Variants in INPP5F observed in about 807,000 individuals in gnomAD.
INPP5F encodes the protein inositol polyphosphate-5-phosphatase F, also known as phosphatidylinositide 4-phosphatase SAC2.
Under a neutral mutation model 137.2 loss-of-function variants are expected in INPP5F, and 97 were observed. The ratio of observed to expected loss-of-function variants is 0.71; its 90% CI spans 0.60 to 0.84. The LOEUF (loss-of-function observed/expected upper bound fraction) is 0.84, where lower values mean the gene tolerates loss of function less well. INPP5F is among the 40% of genes least tolerant of loss of function. The probability of loss-of-function intolerance (pLI) is 0.00; values close to 1 mark genes in which losing one functional copy is unlikely to be tolerated. For missense variants in INPP5F, 1,271 were observed against 1,371.9 expected (o/e 0.93, Z 1.16); for synonymous variants, 504 against 476.9 (o/e 1.06, Z -0.74).
chr10:119,765,865 C>CTATATATATATATA (rs551639582), intron 2 of INPP5F, among the ~76,000 whole-genome samples: 6 of 29,862 alleles, frequency 2.0e-4, no homozygotes, highest in African/African-American at 4.1e-4. Flanking sequence ...ACACTATATA[C>CTATATATATATATA]TATATATATA....
intron 3 of INPP5F, among the ~76,000 whole-genome samples, chr10:119,784,612 A>G (rs140457578): frequency 6.6e-6 from 1 of 152,346 alleles, no homozygotes; most frequent in East Asian, 1.9e-4. Context: ...AGAGACGGGT[A>G]TTAATAGAAT....
intron 1 of INPP5F, among the ~76,000 whole-genome samples, chr10:119,738,453 C>T (rs1026396244): frequency 6.6e-6 from 1 of 152,088 alleles, no homozygotes; most frequent in Non-Finnish European, 1.5e-5. Context: ...AGTATGAGCC[C>T]GCTGGCCATT....
intron 16 of INPP5F, among the ~76,000 whole-genome samples, chr10:119,821,728 C>T (rs1285500259): frequency 8.3e-6 from 1 of 120,456 alleles, no homozygotes; most frequent in Non-Finnish European, 1.9e-5. Flanking sequence ...CCCTTCATCT[C>T]TGCCTCCCTC....
intron 9 of INPP5F, among the ~76,000 whole-genome samples, chr10:119,799,108 C>T (rs1347583993): frequency 6.6e-6 from 1 of 152,106 alleles, no homozygotes; most frequent in Admixed American, 6.6e-5. Context: ...TTTTTCTCTG[C>T]TCACCTTCAT....
intron 1 of INPP5F, among the ~76,000 whole-genome samples, chr10:119,740,706 C>T (rs916139931): frequency 6.6e-6 from 1 of 152,094 alleles, no homozygotes; most frequent in Admixed American, 6.5e-5. Flanking sequence ...CCACACCCAG[C>T]TAATTTTTGT....
intron 1 of INPP5F, among the ~76,000 whole-genome samples, chr10:119,731,908 G>A (rs1848080073): frequency 6.6e-6 from 1 of 151,696 alleles, no homozygotes; most frequent in African/African-American, 2.4e-5. Context: ...GAATAGATCT[G>A]TATGTTTATT....
rs188631846 is a variant in INPP5F, at chr10:119,808,479, C to T, written c.1569+419C>T. 9.7e-4 allele frequency among the ~76,000 whole-genome samples: 148 copies of T among 152,324 alleles called. 1 individual carries two copies. Among genetic ancestry groups the T allele is most frequent in the African/African-American group, 3.4e-3 (140 of 41,580 alleles). On this transcript the variant is annotated intron_variant, in intron 13 of 19. Coordinates refer to ENST00000650623, the MANE Select transcript of INPP5F (RefSeq NM_014937.4). ...CTTCTTAACTAGCTGTGACCTTGGGCAAGTCACTTAACCACTCTCATTTGT... is the reference window on the plus strand; with the variant it reads ...CTTCTTAACTAGCTGTGACCTTGGGTAAGTCACTTAACCACTCTCATTTGT...
chr10:119,743,064 T>G (rs1007908526), intron 1 of INPP5F, among the ~76,000 whole-genome samples: 1 of 152,262 alleles, frequency 6.6e-6, no homozygotes, highest in Non-Finnish European at 1.5e-5. Flanking sequence ...TAACAAGCTG[T>G]GCAGTGTTGG....
chr10:119,784,251 C>T (rs1174342981), intron 3 of INPP5F, among the ~76,000 whole-genome samples: 1 of 152,132 alleles, frequency 6.6e-6, no homozygotes, highest in African/African-American at 2.4e-5. Flanking sequence ...AAAAATTCCT[C>T]CACTTGGAAA....
At chr10:119,741,297 T>A (rs1672426784) in intron 1 of INPP5F, among the ~76,000 whole-genome samples, 1 of 152,128 alleles carries the variant, frequency 6.6e-6, no homozygotes. Flanking sequence ...CTATCTCAAA[T>A]CCAAATCTGC....
intron 1 of INPP5F, among the ~76,000 whole-genome samples, chr10:119,749,913 G>T (rs1428977459): frequency 6.6e-6 from 1 of 152,088 alleles, no homozygotes; most frequent in Non-Finnish European, 1.5e-5. Flanking sequence ...TGAGTAGCTG[G>T]GACTACAGGC....
At chr10:119,781,567 C>T in intron 2 of INPP5F, 68 bp from the exon 3 acceptor site, 6 of 1,340,952 alleles carry the variant, frequency 4.5e-6, no homozygotes, top group East Asian at 2.5e-5. Flanking sequence ...TTAGGTTATT[C>T]ACCTTCAACT....
At chr10:119,736,453 A>G (rs1433237580) in intron 1 of INPP5F, among the ~76,000 whole-genome samples, 1 of 152,232 alleles carries the variant, frequency 6.6e-6, no homozygotes, top group Non-Finnish European at 1.5e-5. Context: ...GGCATGAGCC[A>G]CTGCACCCAG....
intron 2 of INPP5F, among the ~76,000 whole-genome samples, chr10:119,770,554 G>A (rs1225024863): frequency 6.6e-6 from 1 of 152,154 alleles, no homozygotes; most frequent in Non-Finnish European, 1.5e-5. Context: ...GACATCTCAG[G>A]CTTTTTATGT....
chr10:119,743,236 T>C lies in INPP5F; in HGVS notation c.98-7840T>C, dbSNP rs572234181. 7.2e-5 allele frequency among the ~76,000 whole-genome samples: 11 copies of C among 152,314 alleles called. No individual in the cohort carries two copies. The East Asian group carries it at 2.1e-3, about 29-fold the overall frequency. ...AGTAAATCCTTCCAGCGTGATTCTG[T>C]GCAAATGATCTGATTTCAACTTGCC... is the stretch of plus-strand genomic sequence containing the variant. On this transcript the variant is annotated intron_variant, in intron 1 of 19. Coordinates refer to ENST00000650623, the MANE Select transcript of INPP5F (RefSeq NM_014937.4).
chr10:119,798,507 G>C (rs762830429), intron 8 of INPP5F, 36 bp from the exon 9 acceptor site: 2 of 1,496,282 alleles, frequency 1.3e-6, no homozygotes, highest in Non-Finnish European at 1.9e-6. Context: ...CTTAAACATG[G>C]GAAGGAAAAA....
chr10:119,773,482 G>A (rs891602257), intron 2 of INPP5F, among the ~76,000 whole-genome samples: 2 of 152,104 alleles, frequency 1.3e-5, no homozygotes, highest in African/African-American at 2.4e-5. Context: ...CCCAATAGAC[G>A]GTTTTCTAAC....
intron 15 of INPP5F, chr10:119,815,615 T>C: frequency 3.5e-6 from 1 of 284,082 alleles, no homozygotes; most frequent in Non-Finnish European, 7.2e-6. Context: ...TGTTGGCTCT[T>C]CAGTCCAGAG....
chr10:119,744,750 T>C (rs1318417888), intron 1 of INPP5F, among the ~76,000 whole-genome samples: 1 of 152,126 alleles, frequency 6.6e-6, no homozygotes, highest in Non-Finnish European at 1.5e-5. Context: ...CTTGCTGTCT[T>C]GCCCAAGCTG....
Sources: gnomAD v4.1 joint callset for allele counts (sites outside exome capture counted in the v4.1 genomes callset) on GRCh38, gnomAD v4.1.1 for gene constraint, MANE v1.5 for transcripts, NCBI Gene and HGNC (gene_info 2026-07-23, HGNC 2026-07-21) for gene names.